CFH: variants seen among roughly 807,000 people sequenced by gnomAD.
CFH encodes complement factor H.
Under a neutral mutation model 147.3 loss-of-function variants are expected in CFH, and 53 were observed. That is an observed-to-expected ratio of 0.36 (90% confidence interval 0.29 to 0.45). CFH has a LOEUF of 0.45. Ranked by LOEUF, CFH falls within the 20% of genes least tolerant of loss-of-function variation. CFH has a pLI of 1.00. For synonymous variants in CFH, 536 were observed against 489.4 expected (o/e 1.10, Z -1.26); for missense variants, 1,380 against 1,498.0 (o/e 0.92, Z 1.30).
In CFH at chr1:196,747,202, A is replaced by G; in HGVS notation, c.3585A>G (p.Glu1195=). 1 of 1,613,932 alleles carries G rather than the reference A, an allele frequency of 6.2e-7. No individual in the cohort carries two copies. The highest frequency in any genetic ancestry group is 2.2e-5 in the East Asian group (1 of 44,848). Reference sequence around the variant, plus strand: ...AGAAGCTTTATTCGAGAACAGGTGAATCAGTTGAATTTGTGTGTAAACGGG... The same window carrying G: ...AGAAGCTTTATTCGAGAACAGGTGAGTCAGTTGAATTTGTGTGTAAACGGG... ...AKQKLYSRTG[E]SVEFVCKRGY... The change falls in exon 22 of 22, where the codon GAA becomes GAG. Residue 1195 remains glutamate, a synonymous_variant. Coordinates refer to ENST00000367429, the MANE Select transcript of CFH (RefSeq NM_000186.4).
At chr1:196,746,139 A>G (rs540838672) in intron 21 of CFH, 140 bp downstream of exon 21, 2 of 1,507,996 alleles carry the variant, frequency 1.3e-6, no homozygotes, top group Middle Eastern at 1.7e-4. Flanking sequence ...GTCAGAAAGT[A>G]AAGTTTAGAA....
intron 6 of CFH, among the ~76,000 whole-genome samples, chr1:196,681,786 GAA>G (rs1261583140): frequency 6.6e-6 from 1 of 151,726 alleles, no homozygotes; most frequent in African/African-American, 2.4e-5. Flanking sequence ...TAGATATAGA[GAA>G]GTCTTTCTTA....
chr1:196,717,774 T>A (rs139774602), intron 11 of CFH, among the ~76,000 whole-genome samples: 1 of 152,056 alleles, frequency 6.6e-6, no homozygotes, highest in African/African-American at 2.4e-5. Flanking sequence ...ATAGTTGCCC[T>A]GAGAAAATGC....
chr1:196,693,239 G>A (rs1456664329), intron 9 of CFH, among the ~76,000 whole-genome samples: 1 of 152,042 alleles, frequency 6.6e-6, no homozygotes, highest in African/African-American at 2.4e-5. Flanking sequence ...ATATTGGAGT[G>A]TATCCTTTAT....
At position 196,745,911 on chromosome 1, in the gene CFH, G is replaced by C. The variant is rs1255635424; in HGVS notation, c.3405G>C (p.Glu1135Asp). 2.5e-6 allele frequency: 4 copies of C among 1,614,080 alleles called. No individual in the cohort carries two copies. The highest frequency in any genetic ancestry group is 3.4e-6 in the Non-Finnish European group (4 of 1,180,018). Reference sequence around the variant, plus strand: ...TATATGCTCCAGCTTCATCAGTTGAGTACCAATGCCAGAACTTGTATCAAC... The same window carrying C: ...TATATGCTCCAGCTTCATCAGTTGACTACCAATGCCAGAACTTGTATCAAC... ...LSVYAPASSVEYQCQNLYQLE... is the reference protein window; with the variant it reads ...LSVYAPASSVDYQCQNLYQLE... Residue 1135 changes from glutamate (E) to aspartate (D), a missense_variant, in exon 21 of 22, where the codon GAG (glutamate) becomes GAC (aspartate). This residue lies in a region of CFH where 123 missense variants were observed against 185.3 expected (regional missense o/e 0.66). Transcript: ENST00000367429.
At chr1:196,718,209 A>G (rs1490128696) in intron 11 of CFH, among the ~76,000 whole-genome samples, 1 of 152,120 alleles carries the variant, frequency 6.6e-6, no homozygotes, top group Non-Finnish European at 1.5e-5. Context: ...ATTCTAATAT[A>G]AGACAGTGGA....
intron 9 of CFH, among the ~76,000 whole-genome samples, chr1:196,707,001 C>T (rs1390916489): frequency 6.6e-6 from 1 of 152,116 alleles, no homozygotes; most frequent in East Asian, 1.9e-4. Context: ...GAGAAGATTA[C>T]CCTCAGGTTT....
chr1:196,693,990 G>T (rs1397872468), intron 9 of CFH, among the ~76,000 whole-genome samples: 1 of 149,202 alleles, frequency 6.7e-6, no homozygotes, highest in Non-Finnish European at 1.5e-5. Context: ...GTGTGTGTGT[G>T]TTTTATTATT....
At chr1:196,657,051 G>T (rs941777279) in intron 1 of CFH, among the ~76,000 whole-genome samples, 4 of 152,010 alleles carry the variant, frequency 2.6e-5, no homozygotes, top group Non-Finnish European at 4.4e-5. Flanking sequence ...GAGTGCAGTG[G>T]TGCGATCATA....
intron 1 of CFH, among the ~76,000 whole-genome samples, chr1:196,666,529 G>A (rs915371199): frequency 1.3e-5 from 2 of 151,878 alleles, no homozygotes; most frequent in African/African-American, 4.8e-5. Flanking sequence ...GCTCACGCCT[G>A]TAATCTCAGC....
chr1:196,725,031 T>A, intron 11 of CFH, 90 bp from the exon 12 acceptor site: 1 of 1,115,920 alleles, frequency 9.0e-7, no homozygotes, highest in Non-Finnish European at 1.3e-6. Context: ...TATGACCCAA[T>A]ATCAACCTCA....
intron 6 of CFH, among the ~76,000 whole-genome samples, chr1:196,681,976 T>G (rs1378674998): frequency 6.6e-6 from 1 of 151,804 alleles, no homozygotes; most frequent in Non-Finnish European, 1.5e-5. Flanking sequence ...ATAAGAAGTT[T>G]GGAATTAAAT....
At chr1:196,661,791 G>A (rs541479154) in intron 1 of CFH, among the ~76,000 whole-genome samples, 1 of 152,308 alleles carries the variant, frequency 6.6e-6, no homozygotes, top group South Asian at 2.1e-4. Flanking sequence ...AATGCGGGAA[G>A]CTTAAGTAGA....
chr1:196,712,076 T>C (rs1668735062), intron 9 of CFH, among the ~76,000 whole-genome samples: 1 of 152,116 alleles, frequency 6.6e-6, no homozygotes, highest in South Asian at 2.1e-4. Context: ...TTTGGAAAAT[T>C]TCTCCCAGCA....
intron 1 of CFH, among the ~76,000 whole-genome samples, chr1:196,664,588 G>T (rs993810378): frequency 6.6e-6 from 1 of 152,122 alleles, no homozygotes; most frequent in Non-Finnish European, 1.5e-5. Context: ...TACAAAACAA[G>T]CAGCGATTGG....
rs116553916 is a variant in CFH, at chr1:196,655,035, G to T, written c.58+2860G>T. On this transcript the variant is annotated intron_variant, in intron 1 of 21. Coordinates refer to ENST00000367429, the MANE Select transcript of CFH (RefSeq NM_000186.4). ...CTCCTCCTAAAATACTTTACGTGTT[G>T]ATATTAATATTACTATAATTTCAAC... is the stretch of plus-strand genomic sequence containing the variant. Among the ~76,000 whole-genome samples the T allele has an allele frequency of 2.8e-3, 431 of 152,112 alleles. 2 individuals carry two copies. The highest frequency in any genetic ancestry group is 9.9e-3 in the African/African-American group (412 of 41,468).
At chr1:196,692,447 T>C in intron 9 of CFH, 1 of 601,872 alleles carries the variant, frequency 1.7e-6, no homozygotes, top group Non-Finnish European at 2.1e-6. Flanking sequence ...TCAATCAACG[T>C]TTATGCCTCT....
chr1:196,724,645 C>A (rs896324412), intron 11 of CFH, among the ~76,000 whole-genome samples: 16 of 151,852 alleles, frequency 1.1e-4, no homozygotes, highest in Non-Finnish European at 2.2e-4. Flanking sequence ...CCTGCACCCT[C>A]TCTTAAATAT....
At chr1:196,670,681 T>C (rs552675550) in intron 1 of CFH, among the ~76,000 whole-genome samples, 11 of 152,184 alleles carry the variant, frequency 7.2e-5, no homozygotes, top group Non-Finnish European at 1.3e-4. Context: ...TTACCCAGTC[T>C]TGAGTATTTC....
Sources: gnomAD v4.1 joint callset for allele counts (sites outside exome capture counted in the v4.1 genomes callset) on GRCh38, gnomAD v4.1.1 for gene constraint, gnomAD v4.1.1 regional missense constraint, MANE v1.5 for transcripts, NCBI Gene and HGNC (gene_info 2026-07-23, HGNC 2026-07-21) for gene names.